TUBGCP4: variants seen among roughly 807,000 people sequenced by gnomAD.
TUBGCP4 encodes gamma-tubulin complex component 4.
TUBGCP4 carries 54 observed loss-of-function variants against 91.6 expected under a neutral mutation model. The ratio of observed to expected loss-of-function variants is 0.59; its 90% CI spans 0.47 to 0.74. TUBGCP4 has a LOEUF of 0.74. Ranked by LOEUF, TUBGCP4 falls within the 30% of genes least tolerant of loss-of-function variation. TUBGCP4 has a pLI of 0.00. For missense variants in TUBGCP4, 593 were observed against 800.9 expected, an observed-to-expected ratio of 0.74 and a Z score of 3.13; for synonymous variants, 297 against 302.8, an observed-to-expected ratio of 0.98 and a Z score of 0.20.
rs1212856915 is a variant in TUBGCP4, at chr15:43,371,292, G to A, written c.-63G>A. 6.5e-7 allele frequency: 1 copy of A among 1,543,522 alleles called. No individual in the cohort carries two copies. The highest frequency in any genetic ancestry group is 1.4e-5 in the African/African-American group (1 of 73,976). ...TGGAAGGGGAAGCACTCCCCTCGTGGTCGCCTGGAGGTGCGCTGGAGGAGG... is the reference window on the plus strand; with the variant it reads ...TGGAAGGGGAAGCACTCCCCTCGTGATCGCCTGGAGGTGCGCTGGAGGAGG... On this transcript the variant is annotated 5_prime_UTR_variant, in exon 1 of 18. Transcript: ENST00000564079.
At chr15:43,396,318 C>T (rs2044578459) in intron 11 of TUBGCP4, among the ~76,000 whole-genome samples, 1 of 152,200 alleles carries the variant, frequency 6.6e-6, no homozygotes, top group East Asian at 1.9e-4. Flanking sequence ...CACATCACAT[C>T]CCTATCCCTG....
chr15:43,393,870 T>C (rs543021233), intron 9 of TUBGCP4, among the ~76,000 whole-genome samples: 1 of 152,324 alleles, frequency 6.6e-6, no homozygotes, highest in South Asian at 2.1e-4. Context: ...CCTTGTGCTC[T>C]GCCCACCTTG....
At position 43,409,513 on chromosome 15, in the gene TUBGCP4, T is replaced by C. The variant is rs557274346; in HGVS notation, c.*4299T>C. On this transcript the variant is annotated 3_prime_UTR_variant, in exon 18 of 18. Transcript: ENST00000564079. ...AAATTCTATTTCATGCAAAAACATT[T>C]TGGCAGTTTCTCAGTTCCTGAAATC... The C allele has an allele frequency of 1.9e-6, 1 of 529,790 alleles. No individual in the cohort carries two copies. The highest frequency in any genetic ancestry group is 3.0e-5 in the East Asian group (1 of 33,220). 32.8% of individuals were successfully genotyped at this position (529,790 alleles called of 1,614,324 possible).
rs892278839 is a variant in TUBGCP4, at chr15:43,385,722, C to A, written c.724-69C>A. 8 of 1,517,088 alleles carry A rather than the reference C, an allele frequency of 5.3e-6. No individual in the cohort carries two copies. In the African/African-American group the frequency reaches 9.6e-5, roughly 18 times the overall value. The allele number at this position is 1,517,088 out of a possible 1,614,324, so 94.0% of individuals were successfully genotyped here. A position where few individuals can be genotyped will look rare whatever the true frequency, so the allele number is the denominator to read the frequency against. On this transcript the variant is annotated intron_variant, in intron 7 of 17. Coordinates refer to ENST00000564079, the MANE Select transcript of TUBGCP4 (RefSeq NM_014444.5). ...TTTAAATCATGGGTTGGGAGAGTTACTAGGTATTTTCTTGTTTTCCTTTTC... is the reference window on the plus strand; with the variant it reads ...TTTAAATCATGGGTTGGGAGAGTTAATAGGTATTTTCTTGTTTTCCTTTTC...
intron 1 of TUBGCP4, 143 bp downstream of exon 1, chr15:43,371,575 C>A: frequency 1.2e-6 from 1 of 813,500 alleles, no homozygotes; most frequent in Non-Finnish European, 2.0e-6. Context: ...TGGAGGGCAG[C>A]CCCTTAGGGT....
intron 17 of TUBGCP4, chr15:43,404,775 GTTAAGTC>G: frequency 1.8e-6 from 1 of 564,360 alleles, no homozygotes; most frequent in South Asian, 2.4e-5. Flanking sequence ...TGAGATAGGT[GTTAAGTC>G]CTTTGCTAGG....
At chr15:43,402,145 G>A (rs1686010704) in intron 15 of TUBGCP4, 1 of 249,310 alleles carries the variant, frequency 4.0e-6, no homozygotes, top group African/African-American at 2.3e-5. Flanking sequence ...TAGGTGTGGT[G>A]GCTCGCGCCT....
rs1226387214 is a variant in TUBGCP4, at chr15:43,405,303, T to G, written c.*89T>G. On this transcript the variant is annotated 3_prime_UTR_variant, in exon 18 of 18. Coordinates refer to ENST00000564079, the MANE Select transcript of TUBGCP4 (RefSeq NM_014444.5). ...ACATCCCATTCTAGCCACACACAAA[T>G]AAATATCTGCGGCTTAGTGATAGGA... is the stretch of plus-strand genomic sequence containing the variant. The G allele has an allele frequency of 6.8e-7, 1 of 1,472,114 alleles. No homozygotes were observed. The highest frequency in any genetic ancestry group is 9.5e-7 in the Non-Finnish European group (1 of 1,053,360). The allele number at this position is 1,472,114 out of a possible 1,614,324, so 91.2% of individuals were successfully genotyped here.
intron 3 of TUBGCP4, 149 bp downstream of exon 3, chr15:43,376,774 C>A: frequency 1.7e-6 from 2 of 1,187,738 alleles, no homozygotes; most frequent in African/African-American, 1.5e-5. Flanking sequence ...AGTGATTGCC[C>A]AACCTGTGAT....
intron 15 of TUBGCP4, chr15:43,402,664 TAAAA>T (rs1187091136): frequency 1.3e-5 from 2 of 152,194 alleles, no homozygotes; most frequent in Admixed American, 6.5e-5. Context: ...CGGGACTCTT[TAAAA>T]AAATCTAGGT....
At position 43,398,130 on chromosome 15, in the gene TUBGCP4, A is replaced by G; in HGVS notation, c.1369A>G (p.Lys457Glu). The change falls in exon 13 of 18, where the codon AAA (lysine) becomes GAA (glutamate). Residue 457 changes from lysine (K) to glutamate (E), a missense_variant. Coordinates refer to ENST00000564079, the MANE Select transcript of TUBGCP4 (RefSeq NM_014444.5). ...CTGGGCAGCCCTAGGTCTTTCCTAC[A>G]AAGTACAGTGGCCACTACATATTCT... Reference protein sequence around the residue: ...SGWAALGLSYKVQWPLHILFT... With the variant: ...SGWAALGLSYEVQWPLHILFT... 1 of 1,614,158 alleles carries G rather than the reference A, an allele frequency of 6.2e-7. No homozygotes were observed. The highest frequency in any genetic ancestry group is 8.5e-7 in the Non-Finnish European group (1 of 1,179,990).
In TUBGCP4 at chr15:43,371,185, G is replaced by C; in HGVS notation, c.-170G>C. 1.5e-6 allele frequency: 1 copy of C among 684,482 alleles called. No homozygotes were observed. The highest frequency in any genetic ancestry group is 2.5e-6 in the Non-Finnish European group (1 of 401,336). The allele number at this position is 684,482 out of a possible 1,614,324, so 42.4% of individuals were successfully genotyped here. A position where few individuals can be genotyped will look rare whatever the true frequency, so the allele number is the denominator to read the frequency against. ...GGGACTCCCCCGCGACCCCTTCCCA[G>C]CTTCCCGTCCGCTCCGCCGCAGCGA... is the stretch of plus-strand genomic sequence containing the variant. On this transcript the variant is annotated 5_prime_UTR_variant, in exon 1 of 18. Coordinates refer to ENST00000564079, the MANE Select transcript of TUBGCP4 (RefSeq NM_014444.5).
rs1566910605 is a variant in TUBGCP4, at chr15:43,407,721, CAG to C, written c.*2510_*2511del. ...CACTGCTACTGATCATGACCAAAGG[CAG>C]AGTTATAATCACTATGTGCTGACCT... is the stretch of plus-strand genomic sequence containing the variant. On this transcript the variant is annotated 3_prime_UTR_variant, in exon 18 of 18. Transcript: ENST00000564079. The C allele has an allele frequency of 3.6e-6, 3 of 831,974 alleles. No homozygotes were observed. The highest frequency in any genetic ancestry group is 2.7e-5 in the East Asian group (1 of 37,388). 51.5% of individuals were successfully genotyped at this position (831,974 alleles called of 1,614,324 possible).
intron 17 of TUBGCP4, 192 bp from the exon 18 acceptor site, chr15:43,405,010 A>T: frequency 1.7e-6 from 1 of 598,736 alleles, no homozygotes; most frequent in South Asian, 2.4e-5. Flanking sequence ...TCAGAAAATC[A>T]CTTCATTGTC....
In TUBGCP4 at chr15:43,401,789, G is replaced by A. The variant is rs201399662; in HGVS notation, c.1670G>A (p.Arg557Gln). The A allele has an allele frequency of 8.4e-4, 1,349 of 1,614,086 alleles. 1 individual carries two copies. The highest frequency in any genetic ancestry group is 1.1e-3 in the Non-Finnish European group (1,283 of 1,180,010). Reference protein sequence around the residue: ...INSTRDFESIRLAHDHFLSNL... With the variant: ...INSTRDFESIQLAHDHFLSNL... Reference sequence around the variant, plus strand: ...TCTACCCGAGACTTTGAAAGCATCCGATTGGCTCATGACCACTTCCTGAGC... The same window carrying A: ...TCTACCCGAGACTTTGAAAGCATCCAATTGGCTCATGACCACTTCCTGAGC... Residue 557 changes from arginine to glutamine, a missense_variant, in exon 15 of 18, where the codon CGA (arginine) becomes CAA (glutamine). Physicochemically the swap from Arg to Gln is conservative, Grantham distance 43 (BLOSUM62 1). Transcript: ENST00000564079.
rs141123549 is a variant in TUBGCP4 at position 43,387,531 on chromosome 15, G to A, written c.1014+1201G>A. The stretch of plus-strand genomic sequence containing the variant: ...GGTTGGAGTGCAATGGTGTGATCTC[G>A]GCTCACTGCAACCTCTGCCTCCTGG... On this transcript the variant is annotated intron_variant, in intron 9 of 17. Coordinates refer to ENST00000564079, the MANE Select transcript of TUBGCP4 (RefSeq NM_014444.5). Among the ~76,000 whole-genome samples the A allele has an allele frequency of 6.6e-3, 994 of 151,338 alleles. 9 individuals carry two copies. Among genetic ancestry groups the A allele is most frequent in the African/African-American group, 0.023 (931 of 41,254 alleles).
At chr15:43,377,968 C>T in intron 5 of TUBGCP4, 65 bp downstream of exon 5, 6 of 1,313,728 alleles carry the variant, frequency 4.6e-6, no homozygotes, top group Non-Finnish European at 5.3e-6. Context: ...ATTAATTTTG[C>T]TTTACATTAT....
At chr15:43,386,745 A>AAAAAAT (rs1555394895) in intron 9 of TUBGCP4, among the ~76,000 whole-genome samples, 2 of 151,300 alleles carry the variant, frequency 1.3e-5, no homozygotes, top group African/African-American at 4.9e-5. Context: ...AAAAAAAAAA[A>AAAAAAT]AAAAGACACT....
At chr15:43,404,153 A>G (rs1472655205) in intron 16 of TUBGCP4, 1 of 537,130 alleles carries the variant, frequency 1.9e-6, no homozygotes, top group African/African-American at 1.9e-5. Flanking sequence ...CCCCAACCCC[A>G]GTACTTGACA....
Sources: gnomAD v4.1 joint callset for allele counts (sites outside exome capture counted in the v4.1 genomes callset) on GRCh38, gnomAD v4.1.1 for gene constraint, MANE v1.5 for transcripts, NCBI Gene and HGNC (gene_info 2026-07-23, HGNC 2026-07-21) for gene names.